Variants in TTBK2 observed in about 807,000 individuals in gnomAD.
TTBK2 encodes the protein tau tubulin kinase 2, also known as tau-tubulin kinase 2.
In TTBK2, 28 loss-of-function variants were observed where a neutral mutation model predicts 110.8. That is an observed-to-expected ratio of 0.25 (90% confidence interval 0.19 to 0.35). The LOEUF (loss-of-function observed/expected upper bound fraction) is 0.35. Ranked by LOEUF, TTBK2 falls within the 10% of genes least tolerant of loss-of-function variation. TTBK2 has a pLI of 1.00. For missense variants in TTBK2, 1,369 were observed against 1,500.3 expected, an observed-to-expected ratio of 0.91 and a Z score of 1.45; for synonymous variants, 532 against 527.3, an observed-to-expected ratio of 1.01 and a Z score of -0.12.
chr15:42,751,247 C>T (rs2061861593), intron 14 of TTBK2, among the ~76,000 whole-genome samples: 1 of 152,122 alleles, frequency 6.6e-6, no homozygotes, highest in South Asian at 2.1e-4. Flanking sequence ...TGTGTTTGAA[C>T]ACACAATGTA....
chr15:42,815,958 A>AAAATAT (rs71108183), intron 7 of TTBK2, among the ~76,000 whole-genome samples: 1 of 91,716 alleles, frequency 1.1e-5, no homozygotes, highest in African/African-American at 6.2e-5. Flanking sequence ...TTAAAAAAAA[A>AAAATAT]ATATATATAT....
At chr15:42,894,509 T>C (rs915877399) in intron 1 of TTBK2, among the ~76,000 whole-genome samples, 2 of 152,092 alleles carry the variant, frequency 1.3e-5, no homozygotes, top group Non-Finnish European at 2.9e-5. Context: ...CTTAGTACTG[T>C]GGGAGGCGAA....
At position 42,746,237 on chromosome 15, in the gene TTBK2, A is replaced by G; in HGVS notation, c.3293T>C (p.Leu1098Pro). 6.2e-7 allele frequency: 1 copy of G among 1,613,380 alleles called. No homozygotes were observed. The change falls in exon 15 of 15, where the codon CTA (leucine) becomes CCA (proline). Residue 1098 changes from leucine (L) to proline (P), a missense_variant. Coordinates refer to ENST00000267890, the MANE Select transcript of TTBK2 (RefSeq NM_173500.4). ...GTCTGAGTCGGAGTTACTACTCCCTAGGACTTTATATCTGCGTAGCCTTAA... is the reference window on the plus strand; with the variant it reads ...GTCTGAGTCGGAGTTACTACTCCCTGGGACTTTATATCTGCGTAGCCTTAA... ...VEARLRRYKVLGSSNSDSDLF... is the reference protein window; with the variant it reads ...VEARLRRYKVPGSSNSDSDLF...
chr15:42,839,412 A>G (rs1893129712), intron 4 of TTBK2, among the ~76,000 whole-genome samples: 1 of 152,222 alleles, frequency 6.6e-6, no homozygotes, highest in Admixed American at 6.5e-5. Context: ...ATGAACACAT[A>G]AGTGCATGTG....
intron 4 of TTBK2, among the ~76,000 whole-genome samples, chr15:42,833,964 T>G (rs1055336919): frequency 3.6e-4 from 54 of 151,886 alleles, no homozygotes; most frequent in Non-Finnish European, 5.0e-4. Context: ...TGAGCCGAGA[T>G]CACGCCATTG....
intron 9 of TTBK2, chr15:42,802,148 T>C: frequency 7.1e-7 from 1 of 1,411,270 alleles, no homozygotes; most frequent in South Asian, 1.1e-5. Flanking sequence ...TCCTCCTGGG[T>C]GCGCACGGCC....
intron 3 of TTBK2, among the ~76,000 whole-genome samples, chr15:42,850,057 T>G (rs1450696381): frequency 6.6e-6 from 1 of 152,062 alleles, no homozygotes; most frequent in Non-Finnish European, 1.5e-5. Flanking sequence ...GTGGGGATTT[T>G]CCCAACTCTC....
chr15:42,858,082 AAACAAC>A (rs146437594), intron 3 of TTBK2, among the ~76,000 whole-genome samples: 2 of 151,606 alleles, frequency 1.3e-5, no homozygotes, highest in African/African-American at 2.4e-5. Context: ...AAAAAACCCA[AAACAAC>A]AACAACAACA....
chr15:42,896,127 G>A (rs1596034613), intron 1 of TTBK2, among the ~76,000 whole-genome samples: 1 of 151,752 alleles, frequency 6.6e-6, no homozygotes, highest in Non-Finnish European at 1.5e-5. Flanking sequence ...TGAGGAGTTC[G>A]AGACCACCCT....
chr15:42,789,854 T>TACACACACACACAC (rs58536399), intron 10 of TTBK2, among the ~76,000 whole-genome samples: 12,961 of 147,790 alleles, frequency 0.088, 626 homozygotes, highest in Middle Eastern at 0.14. Context: ...ATACATACAA[T>TACACACACACACAC]ACACACACAC....
At chr15:42,846,716 G>A (rs1197948340) in intron 3 of TTBK2, among the ~76,000 whole-genome samples, 1 of 152,072 alleles carries the variant, frequency 6.6e-6, no homozygotes, top group East Asian at 1.9e-4. Flanking sequence ...TAACTTGGAC[G>A]AAGCCCCTAT....
intron 1 of TTBK2, among the ~76,000 whole-genome samples, chr15:42,898,294 C>T (rs1244100114): frequency 6.6e-6 from 1 of 152,012 alleles, no homozygotes; most frequent in Admixed American, 6.6e-5. Context: ...GTGGCTGATA[C>T]CTGTAATCCA....
At chr15:42,892,570 G>A (rs929842970) in intron 1 of TTBK2, among the ~76,000 whole-genome samples, 5 of 151,794 alleles carry the variant, frequency 3.3e-5, no homozygotes, top group Non-Finnish European at 5.9e-5. Context: ...AGCCAGGTGT[G>A]TGGCACTCAT....
intron 3 of TTBK2, among the ~76,000 whole-genome samples, chr15:42,840,948 G>T (rs1219721711): frequency 2.6e-5 from 4 of 152,124 alleles, no homozygotes; most frequent in African/African-American, 7.2e-5. Flanking sequence ...GCTGGCTGGG[G>T]CATAGAGGGG....
At chr15:42,869,898 C>T (rs892512144) in intron 3 of TTBK2, among the ~76,000 whole-genome samples, 26 of 152,046 alleles carry the variant, frequency 1.7e-4, no homozygotes, top group African/African-American at 6.3e-4. Flanking sequence ...GAGTCTTGGC[C>T]AGGTGTAGTG....
intron 10 of TTBK2, 147 bp from the exon 11 acceptor site, chr15:42,783,782 C>T: frequency 1.4e-6 from 1 of 737,172 alleles, no homozygotes; most frequent in Non-Finnish European, 2.2e-6. Flanking sequence ...CTTAGGTTGG[C>T]CGGGCATGGT....
intron 13 of TTBK2, among the ~76,000 whole-genome samples, chr15:42,755,362 T>C (rs998099367): frequency 1.3e-5 from 2 of 152,194 alleles, no homozygotes; most frequent in Non-Finnish European, 2.9e-5. Flanking sequence ...CGATCTCTAG[T>C]CCAAAGACAC....
rs2061875380 is a variant in TTBK2 at position 42,752,218 on chromosome 15, C to T, written c.3028G>A (p.Val1010Ile). Residue 1010 changes from valine (V) to isoleucine (I), a missense_variant, in exon 14 of 15, where the codon GTT (valine) becomes ATT (isoleucine). By Grantham distance (29) the Val-to-Ile change is conservative (BLOSUM62 3). Around this residue, in one of 4 missense-constraint regions of TTBK2, gnomAD observed 1,097 missense variants for 1,114.7 expected, o/e 0.98. Transcript: ENST00000267890. ...TCCTCCTCACAAAAGGGAGCAGGAACAGTAGCTAGTTTCTCCTCTAGCAAT... is the reference window on the plus strand; with the variant it reads ...TCCTCCTCACAAAAGGGAGCAGGAATAGTAGCTAGTTTCTCCTCTAGCAAT... ...DKLLEEKLAT[V>I]PAPFCEEEVL... 2 of 1,614,058 alleles carry T rather than the reference C, an allele frequency of 1.2e-6. No individual in the cohort carries two copies. The highest frequency in any genetic ancestry group is 1.1e-5 in the South Asian group (1 of 91,066).
Position 42,811,712 on chromosome 15 carries a change from C to T in TTBK2, c.672G>A (p.Leu224=). The part of the protein sequence containing the change: ...YMLVEFVVGQ[L]PWRKIKDKEQ... ...CCTTGTCCTTTATTTTTCTCCAGGG[C>T]AGCTGACCAACCACAAACTCCACCA... Residue 224 remains leucine, a synonymous_variant, in exon 8 of 15, where the codon CTG becomes CTA. Transcript: ENST00000267890. The T allele has an allele frequency of 6.2e-7, 1 of 1,613,608 alleles. No individual in the cohort carries two copies. Among genetic ancestry groups the T allele is most frequent in the Non-Finnish European group, 8.5e-7 (1 of 1,179,730 alleles).
Sources: allele counts gnomAD v4.1 joint callset (sites outside exome capture counted in the v4.1 genomes callset), GRCh38; gene constraint gnomAD v4.1.1; regional missense constraint gnomAD v4.1.1; transcripts MANE v1.5; gene names NCBI Gene and HGNC (gene_info 2026-07-23, HGNC 2026-07-21).